LRRC4C: variants seen among roughly 807,000 people sequenced by gnomAD.
LRRC4C encodes the protein leucine rich repeat containing 4C.
In LRRC4C, 5 loss-of-function variants were observed where a neutral mutation model predicts 33.6. The ratio of observed to expected loss-of-function variants is 0.15; its 90% CI spans 0.08 to 0.31. The LOEUF (loss-of-function observed/expected upper bound fraction) is 0.31. Among genes scored for constraint, LRRC4C ranks in the 10% least tolerant of loss-of-function variants. The probability of loss-of-function intolerance (pLI) is 1.00; values close to 1 mark genes in which losing one functional copy is unlikely to be tolerated. For synonymous variants in LRRC4C, 329 were observed against 302.0 expected (o/e 1.09, Z -0.93); for missense variants, 560 against 796.7 (o/e 0.70, Z 3.58).
chr11:41,350,241 T>G (rs1007457624), intron 1 of LRRC4C, among the ~76,000 whole-genome samples: 1 of 152,200 alleles, frequency 6.6e-6, no homozygotes, highest in African/African-American at 2.4e-5. Flanking sequence ...TCAGGTGCAG[T>G]GGCTCACGCC....
chr11:40,497,114 C>G (rs1954502505), intron 3 of LRRC4C, among the ~76,000 whole-genome samples: 1 of 151,952 alleles, frequency 6.6e-6, no homozygotes, highest in African/African-American at 2.4e-5. Context: ...CATCAAAAGT[C>G]ATGAGTTATT....
chr11:40,749,091 C>G (rs907763856), intron 2 of LRRC4C, among the ~76,000 whole-genome samples: 13 of 151,998 alleles, frequency 8.6e-5, no homozygotes, highest in African/African-American at 3.1e-4. Context: ...CAAAGAAAAG[C>G]AAGATTTAAA....
At chr11:40,247,317 T>C (rs1866420911) in intron 4 of LRRC4C, among the ~76,000 whole-genome samples, 1 of 152,158 alleles carries the variant, frequency 6.6e-6, no homozygotes, top group Non-Finnish European at 1.5e-5. Flanking sequence ...TCCTTTGCAA[T>C]GTCTTCTCTG....
intron 1 of LRRC4C, among the ~76,000 whole-genome samples, chr11:41,048,260 C>CTTTT (rs35599405): frequency 7.0e-4 from 75 of 107,044 alleles, no homozygotes; most frequent in Admixed American, 1.0e-3. Flanking sequence ...AGATTCTTTA[C>CTTTT]TTTTTTTTTT....
At chr11:40,471,225 A>C (rs1952918912) in intron 3 of LRRC4C, among the ~76,000 whole-genome samples, 1 of 152,212 alleles carries the variant, frequency 6.6e-6, no homozygotes, top group South Asian at 2.1e-4. Context: ...GGTAGAGGAC[A>C]ATATTCAACA....
intron 1 of LRRC4C, among the ~76,000 whole-genome samples, chr11:40,987,391 G>A (rs937790738): frequency 6.6e-6 from 1 of 151,896 alleles, no homozygotes; most frequent in East Asian, 1.9e-4. Context: ...ATAACAAAAG[G>A]CTGAATTTGG....
intron 3 of LRRC4C, among the ~76,000 whole-genome samples, chr11:40,422,236 G>C (rs767264730): frequency 3.9e-5 from 6 of 152,174 alleles, no homozygotes; most frequent in Non-Finnish European, 8.8e-5. Context: ...TAACACGGAG[G>C]AAAGGGGGTG....
At chr11:40,513,248 C>CAAAAAAAAAAAAA (rs1171178910) in intron 3 of LRRC4C, among the ~76,000 whole-genome samples, 2 of 55,010 alleles carry the variant, frequency 3.6e-5, no homozygotes, top group African/African-American at 1.3e-4. Flanking sequence ...GACTCCGTCT[C>CAAAAAAAAAAAAA]AAAAAAAAAA....
intron 1 of LRRC4C, among the ~76,000 whole-genome samples, chr11:41,456,825 G>A (rs1956184784): frequency 6.6e-6 from 1 of 152,122 alleles, no homozygotes; most frequent in African/African-American, 2.4e-5. Flanking sequence ...GCATGGATCT[G>A]GAGTTGGTTC....
intron 1 of LRRC4C, among the ~76,000 whole-genome samples, chr11:41,230,022 C>T (rs1023956120): frequency 3.3e-5 from 5 of 151,946 alleles, no homozygotes; most frequent in Non-Finnish European, 5.9e-5. Flanking sequence ...TTTCATTATG[C>T]CATTTTTCTT....
intron 1 of LRRC4C, among the ~76,000 whole-genome samples, chr11:41,380,777 A>G (rs572985800): frequency 9.4e-4 from 143 of 152,180 alleles, no homozygotes; most frequent in African/African-American, 3.4e-3. Flanking sequence ...ACCTGGCAGA[A>G]TCTTGGGTCT....
chr11:40,973,294 T>C (rs1461717318), intron 1 of LRRC4C, among the ~76,000 whole-genome samples: 2 of 151,928 alleles, frequency 1.3e-5, no homozygotes, highest in Non-Finnish European at 2.9e-5. Context: ...CTAGTCCACT[T>C]TAGCTGCAGA....
At chr11:40,477,656 G>A (rs1953309015) in intron 3 of LRRC4C, among the ~76,000 whole-genome samples, 1 of 151,046 alleles carries the variant, frequency 6.6e-6, no homozygotes, top group African/African-American at 2.4e-5. Context: ...TTCTTTGCCT[G>A]CTCTAGATAC....
At chr11:40,720,049 G>A (rs994774313) in intron 2 of LRRC4C, among the ~76,000 whole-genome samples, 13 of 152,232 alleles carry the variant, frequency 8.5e-5, no homozygotes, top group Non-Finnish European at 1.3e-4. Context: ...CCTTTATAGT[G>A]TCAGCCTTGC....
chr11:40,750,023 C>T (rs958844533), intron 2 of LRRC4C, among the ~76,000 whole-genome samples: 1 of 152,078 alleles, frequency 6.6e-6, no homozygotes, highest in Non-Finnish European at 1.5e-5. Context: ...AGCACAGTGA[C>T]CAGCCTGGCC....
intron 1 of LRRC4C, among the ~76,000 whole-genome samples, chr11:41,133,476 TC>T (rs199931314): frequency 1.4e-5 from 2 of 141,836 alleles, no homozygotes; most frequent in African/African-American, 5.6e-5. Flanking sequence ...AAAATCCTAA[TC>T]CCCCCCCCGC....
intron 1 of LRRC4C, among the ~76,000 whole-genome samples, chr11:40,991,141 C>CA (rs1246200122): frequency 8.7e-6 from 1 of 114,582 alleles, no homozygotes; most frequent in Non-Finnish European, 1.7e-5. Context: ...TCTTTCAAAG[C>CA]AAAAAATCAG....
intron 1 of LRRC4C, among the ~76,000 whole-genome samples, chr11:41,173,009 A>G: frequency 6.6e-6 from 1 of 152,122 alleles, no homozygotes; most frequent in East Asian, 1.9e-4. Context: ...CAGAAACTAG[A>G]TATTTGGAAT....
At chr11:41,454,153 T>C (rs896391344) in intron 1 of LRRC4C, among the ~76,000 whole-genome samples, 2 of 152,118 alleles carry the variant, frequency 1.3e-5, no homozygotes, top group Non-Finnish European at 2.9e-5. Context: ...CTGGGTCAAG[T>C]GGTACCAGCC....
Sources: allele counts gnomAD v4.1 joint callset (sites outside exome capture counted in the v4.1 genomes callset), GRCh38; gene constraint gnomAD v4.1.1; transcripts MANE v1.5; gene names NCBI Gene and HGNC (gene_info 2026-07-23, HGNC 2026-07-21).